MACROH2A2: variants seen among roughly 807,000 people sequenced by gnomAD.
The protein encoded by MACROH2A2 is macroH2A.2 histone, also known as core histone macro-H2A.2.
In MACROH2A2, 6 loss-of-function variants were observed where a neutral mutation model predicts 37.6. The ratio of observed to expected loss-of-function variants is 0.16; its 90% CI spans 0.09 to 0.32. MACROH2A2 has a LOEUF of 0.32. MACROH2A2 is among the 10% of genes least tolerant of loss of function. The probability of loss-of-function intolerance (pLI) is 1.00; values close to 1 mark genes in which losing one functional copy is unlikely to be tolerated. For synonymous variants in MACROH2A2, 192 were observed against 202.7 expected (o/e 0.95, Z 0.45); for missense variants, 290 against 485.9 (o/e 0.60, Z 3.79).
intron 7 of MACROH2A2, among the ~76,000 whole-genome samples, chr10:70,102,157 C>T (rs1043116826): frequency 6.6e-6 from 1 of 152,342 alleles, no homozygotes; most frequent in East Asian, 1.9e-4. Flanking sequence ...GGAGCCACGA[C>T]CTCAGCGTAG....
chr10:70,105,467 C>T (rs1360378469), intron 7 of MACROH2A2, among the ~76,000 whole-genome samples: 1 of 152,088 alleles, frequency 6.6e-6, no homozygotes, highest in Non-Finnish European at 1.5e-5. Context: ...GCAGCCAGAC[C>T]CATGTGTGCA....
intron 1 of MACROH2A2, among the ~76,000 whole-genome samples, chr10:70,068,376 T>G (rs2136620447): frequency 6.6e-6 from 1 of 152,310 alleles, no homozygotes; most frequent in South Asian, 2.1e-4. Flanking sequence ...CCAAACAACT[T>G]AATAAGTATT....
At chr10:70,077,643 G>A (rs1042317618) in intron 2 of MACROH2A2, among the ~76,000 whole-genome samples, 4 of 152,118 alleles carry the variant, frequency 2.6e-5, no homozygotes, top group Admixed American at 6.5e-5. Context: ...AGGCCGAGGC[G>A]GGCAGATCAC....
At chr10:70,054,271 A>C (rs1283761637) in intron 1 of MACROH2A2, among the ~76,000 whole-genome samples, 2 of 152,200 alleles carry the variant, frequency 1.3e-5, no homozygotes, top group Non-Finnish European at 2.9e-5. Flanking sequence ...CTGAGAAACC[A>C]AAGTGCGGGG....
chr10:70,089,428 C>T (rs764757873), intron 2 of MACROH2A2, among the ~76,000 whole-genome samples: 2 of 152,168 alleles, frequency 1.3e-5, no homozygotes, highest in Non-Finnish European at 2.9e-5. Context: ...TTCCAGCCAT[C>T]GTGTCCTCAG....
At chr10:70,095,195 C>T (rs1261908225) in intron 5 of MACROH2A2, among the ~76,000 whole-genome samples, 3 of 152,056 alleles carry the variant, frequency 2.0e-5, no homozygotes, top group African/African-American at 2.4e-5. Context: ...GATGAAACTC[C>T]GTCTCTACTA....
intron 6 of MACROH2A2, chr10:70,099,381 G>A (rs1418729484): frequency 2.0e-5 from 3 of 152,126 alleles, no homozygotes; most frequent in East Asian, 1.9e-4. Flanking sequence ...TAATAATAAT[G>A]ATGATTCATA....
At position 70,075,679 on chromosome 10, in the gene MACROH2A2, G is replaced by A. The variant is rs754624761; in HGVS notation, c.21G>A (p.Lys7=). The change falls in exon 2 of 9, where the codon AAG becomes AAA. Residue 7 remains lysine, a synonymous_variant. Coordinates refer to ENST00000373255, the MANE Select transcript of MACROH2A2 (RefSeq NM_018649.3). This position sits in a 1 kb window ranked among gnomAD's most constrained non-coding sequence, Gnocchi z 5.0. ...GCAAGATGTCGGGCCGGAGTGGGAA[G>A]AAGAAAATGTCCAAGCTGTCCCGTT... MSGRSG[K]KKMSKLSRSA... 2.0e-5 allele frequency: 32 copies of A among 1,614,220 alleles called. No individual in the cohort carries two copies. Among genetic ancestry groups the A allele is most frequent in the Non-Finnish European group, 2.3e-5 (27 of 1,180,034 alleles).
chr10:70,064,240 G>T (rs376357280), intron 1 of MACROH2A2, among the ~76,000 whole-genome samples: 18 of 152,034 alleles, frequency 1.2e-4, no homozygotes, highest in Non-Finnish European at 2.4e-4. Context: ...GTGGTGGAAG[G>T]CTCCTGTAAT....
At chr10:70,063,159 G>C (rs2072059583) in intron 1 of MACROH2A2, among the ~76,000 whole-genome samples, 1 of 151,972 alleles carries the variant, frequency 6.6e-6, no homozygotes, top group Non-Finnish European at 1.5e-5. Flanking sequence ...ACGTATATCA[G>C]CTCCTTATAC....
chr10:70,076,238 T>C (rs1359912850), intron 2 of MACROH2A2, among the ~76,000 whole-genome samples: 1 of 152,238 alleles, frequency 6.6e-6, no homozygotes, highest in Non-Finnish European at 1.5e-5. Context: ...CATTAAACAT[T>C]AGTTTTCCTG....
chr10:70,080,155 T>G (rs1564543559), intron 2 of MACROH2A2, among the ~76,000 whole-genome samples: 1 of 151,866 alleles, frequency 6.6e-6, no homozygotes, highest in South Asian at 2.1e-4. Flanking sequence ...GGTGCATGCC[T>G]GTTATCCCAG....
chr10:70,083,821 C>G (rs960794835), intron 2 of MACROH2A2, among the ~76,000 whole-genome samples: 2 of 149,630 alleles, frequency 1.3e-5, no homozygotes, highest in South Asian at 4.3e-4. Flanking sequence ...CCTCCCAGAA[C>G]GGTTATCACG....
chr10:70,103,224 A>G (rs1589840753), intron 7 of MACROH2A2, among the ~76,000 whole-genome samples: 1 of 152,156 alleles, frequency 6.6e-6, no homozygotes, highest in East Asian at 1.9e-4. Context: ...TATAACCATG[A>G]GACCAAGCCC....
In MACROH2A2 at chr10:70,079,565, G is replaced by GCGCGCACA. The variant is rs1386558755; in HGVS notation, c.172+3736_172+3737insGCGCACAC. On this transcript the variant is annotated intron_variant, in intron 2 of 8. Coordinates refer to ENST00000373255, the MANE Select transcript of MACROH2A2 (RefSeq NM_018649.3). The stretch of plus-strand genomic sequence containing the variant: ...ACGTTGAGGGTTCGCGCGCGCGCGC[G>GCGCGCACA]CACACACACACACACACACACACAC... Among the ~76,000 whole-genome samples the GCGCGCACA allele has an allele frequency of 1.7e-3, 211 of 126,242 alleles. 1 individual carries two copies. The highest frequency in any genetic ancestry group is 2.9e-3 in the African/African-American group (91 of 31,054). The allele number at this position is 126,242 out of a possible 152,430, so 82.8% of individuals were successfully genotyped here.
chr10:70,095,946 T>C lies in MACROH2A2; in HGVS notation c.688+193T>C, dbSNP rs191649881. On this transcript the variant is annotated intron_variant, in intron 6 of 8. Transcript: ENST00000373255. ...TTAATTCTGCATATATTTTTGAAAT[T>C]TTTATTGGGGTATTGTGTAAAAGCA... Among the ~76,000 whole-genome samples, 3 of 152,332 alleles carry C rather than the reference T, an allele frequency of 2.0e-5. No homozygotes were observed. The East Asian group carries it at 5.8e-4, about 29-fold the overall frequency.
chr10:70,088,499 A>C (rs1183406948), intron 2 of MACROH2A2, among the ~76,000 whole-genome samples: 1 of 152,258 alleles, frequency 6.6e-6, no homozygotes, highest in Non-Finnish European at 1.5e-5. Flanking sequence ...TAGATAGTAG[A>C]AACCAATTCT....
intron 2 of MACROH2A2, among the ~76,000 whole-genome samples, chr10:70,077,009 T>TA (rs2072143921): frequency 6.7e-6 from 1 of 149,896 alleles, no homozygotes; most frequent in African/African-American, 2.5e-5. Context: ...TCCTTCCTCT[T>TA]ATGAAATGAA....
chr10:70,090,953 T>C, intron 3 of MACROH2A2, among the ~76,000 whole-genome samples: 1 of 152,214 alleles, frequency 6.6e-6, no homozygotes, highest in East Asian at 1.9e-4. Context: ...CTGCAGAATA[T>C]ATTAGTGGAG....
Sources: gnomAD v4.1 joint callset for allele counts (sites outside exome capture counted in the v4.1 genomes callset) on GRCh38, gnomAD v4.1.1 for gene constraint, Gnocchi (gnomAD v3.1) non-coding constraint, MANE v1.5 for transcripts, NCBI Gene and HGNC (gene_info 2026-07-23, HGNC 2026-07-21) for gene names.